Variants in CRPPA observed in about 807,000 individuals in gnomAD.
The protein encoded by CRPPA is D-ribitol-5-phosphate cytidylyltransferase.
Under a neutral mutation model 52.0 loss-of-function variants are expected in CRPPA, and 43 were observed. The observed-to-expected ratio is 0.83, with a 90% CI of 0.65 to 1.07. The LOEUF (loss-of-function observed/expected upper bound fraction) is 1.07, where lower values mean the gene tolerates loss of function less well. Among genes scored for constraint, CRPPA ranks in the 50% least tolerant of loss-of-function variants. The probability of loss-of-function intolerance (pLI) is 0.00; values close to 1 mark genes in which losing one functional copy is unlikely to be tolerated. For missense variants in CRPPA, 629 were observed against 551.7 expected, an observed-to-expected ratio of 1.14 and a Z score of -1.40; for synonymous variants, 250 against 203.5, an observed-to-expected ratio of 1.23 and a Z score of -1.94.
intron 8 of CRPPA, among the ~76,000 whole-genome samples, chr7:16,223,536 A>G (rs57179130): frequency 0.076 from 11,523 of 152,226 alleles, 536 homozygotes; most frequent in East Asian, 0.15. Flanking sequence ...ATGACATGAA[A>G]ACAGAAGACA....
intron 9 of CRPPA, among the ~76,000 whole-genome samples, chr7:16,132,158 T>C (rs1417538182): frequency 1.6e-5 from 1 of 63,504 alleles, no homozygotes; most frequent in Non-Finnish European, 4.4e-5. Flanking sequence ...CAAAGAGTGA[T>C]CTTGAGCCTT....
intron 9 of CRPPA, among the ~76,000 whole-genome samples, chr7:16,189,968 A>G (rs1781575447): frequency 6.6e-6 from 1 of 152,146 alleles, no homozygotes; most frequent in Admixed American, 6.6e-5. Context: ...TCAGCTCTAA[A>G]AAATCCAATA....
At chr7:16,132,297 A>G (rs1488325235) in intron 9 of CRPPA, among the ~76,000 whole-genome samples, 3 of 124,908 alleles carry the variant, frequency 2.4e-5, no homozygotes, top group African/African-American at 7.8e-5. Flanking sequence ...TATTTTGGAA[A>G]CATATAACAT....
At chr7:16,127,062 G>A (rs746007082) in intron 9 of CRPPA, among the ~76,000 whole-genome samples, 7 of 152,158 alleles carry the variant, frequency 4.6e-5, no homozygotes, top group Non-Finnish European at 1.5e-5. Flanking sequence ...TTGTGAGAAA[G>A]AAGTATGTAT....
chr7:16,161,627 A>T (rs949924125), intron 9 of CRPPA, among the ~76,000 whole-genome samples: 8 of 152,058 alleles, frequency 5.3e-5, no homozygotes, highest in Non-Finnish European at 8.8e-5. Context: ...TTCATCAGGG[A>T]TATTGGCCTG....
At chr7:16,416,384 A>T (rs1044134113) in intron 1 of CRPPA, among the ~76,000 whole-genome samples, 3 of 152,226 alleles carry the variant, frequency 2.0e-5, no homozygotes, top group African/African-American at 7.2e-5. Context: ...TAGATTAAAG[A>T]TTTAAATGGA....
chr7:16,348,422 C>A lies in CRPPA; in HGVS notation c.684+27670G>T, dbSNP rs187480099. Among the ~76,000 whole-genome samples the A allele has an allele frequency of 2.0e-5, 3 of 152,242 alleles. No homozygotes were observed. The East Asian group carries it at 5.8e-4, about 30-fold the overall frequency. On this transcript the variant is annotated intron_variant, in intron 3 of 9. Transcript: ENST00000407010. ...AGAAAGGGCTCAAAAACTGCTGCTC[C>A]CTATTTCACCCTGGAAGAGGTTTAC... is the stretch of plus-strand genomic sequence containing the variant.
At chr7:16,234,783 G>A (rs1583453238) in intron 8 of CRPPA, among the ~76,000 whole-genome samples, 3 of 152,210 alleles carry the variant, frequency 2.0e-5, no homozygotes, top group African/African-American at 7.2e-5. Context: ...CTTCTCAAAG[G>A]AGAAGGGATA....
At chr7:16,250,412 C>T (rs143066366) in intron 8 of CRPPA, among the ~76,000 whole-genome samples, 67 of 152,168 alleles carry the variant, frequency 4.4e-4, no homozygotes, top group African/African-American at 1.4e-3. Flanking sequence ...AACCCCAAGA[C>T]ACAGAATCGT....
intron 9 of CRPPA, among the ~76,000 whole-genome samples, chr7:16,188,641 G>C (rs1262781374): frequency 6.6e-6 from 1 of 152,058 alleles, no homozygotes; most frequent in East Asian, 1.9e-4. Flanking sequence ...TCCACTGTAA[G>C]CATAATATCA....
chr7:16,290,246 A>G (rs1784531957), intron 5 of CRPPA, among the ~76,000 whole-genome samples: 1 of 152,046 alleles, frequency 6.6e-6, no homozygotes, highest in East Asian at 1.9e-4. Flanking sequence ...CAGATTCAAT[A>G]CAATCCCTAT....
At chr7:16,285,293 G>A (rs1418258522) in intron 5 of CRPPA, among the ~76,000 whole-genome samples, 1 of 151,842 alleles carries the variant, frequency 6.6e-6, no homozygotes, top group Admixed American at 6.6e-5. Flanking sequence ...AAATAGACTG[G>A]GAATAAATTA....
chr7:16,262,397 A>G (rs558360431), intron 6 of CRPPA, among the ~76,000 whole-genome samples: 1 of 152,092 alleles, frequency 6.6e-6, no homozygotes, highest in Non-Finnish European at 1.5e-5. Context: ...CGCTGCTTTC[A>G]TAATAATTTT....
At chr7:16,228,132 T>G (rs1782698613) in intron 8 of CRPPA, among the ~76,000 whole-genome samples, 2 of 151,956 alleles carry the variant, frequency 1.3e-5, no homozygotes, top group African/African-American at 4.8e-5. Flanking sequence ...TTTTGGTTAC[T>G]GTATCTTTGT....
intron 9 of CRPPA, among the ~76,000 whole-genome samples, chr7:16,107,482 A>T (rs917837756): frequency 7.9e-5 from 12 of 151,510 alleles, no homozygotes; most frequent in African/African-American, 1.9e-4. Flanking sequence ...AGTCTTAAAT[A>T]AAAAAAAAGA....
At chr7:16,136,698 G>A (rs1449000493) in intron 9 of CRPPA, among the ~76,000 whole-genome samples, 5 of 152,182 alleles carry the variant, frequency 3.3e-5, no homozygotes, top group Admixed American at 3.3e-4. Context: ...GTGGATATAA[G>A]ATCTTCACTA....
At chr7:16,155,185 A>G (rs1045175154) in intron 9 of CRPPA, among the ~76,000 whole-genome samples, 7 of 152,056 alleles carry the variant, frequency 4.6e-5, no homozygotes, top group African/African-American at 1.4e-4. Context: ...TGTTTTATTT[A>G]TTCCTTTTAC....
At chr7:16,274,107 C>G (rs1304369651) in intron 6 of CRPPA, among the ~76,000 whole-genome samples, 1 of 151,992 alleles carries the variant, frequency 6.6e-6, no homozygotes, top group African/African-American at 2.4e-5. Flanking sequence ...TGGAGTGCAG[C>G]GGCGCGATCT....
chr7:16,116,714 G>C (rs369987186), intron 9 of CRPPA, among the ~76,000 whole-genome samples: 2 of 150,486 alleles, frequency 1.3e-5, no homozygotes, highest in Non-Finnish European at 3.0e-5. Context: ...GAGAGAGAGA[G>C]AGAAACAAAC....
Sources: allele counts gnomAD v4.1 joint callset (sites outside exome capture counted in the v4.1 genomes callset), GRCh38; gene constraint gnomAD v4.1.1; transcripts MANE v1.5; gene names NCBI Gene and HGNC (gene_info 2026-07-23, HGNC 2026-07-21).